The following PCDH15 variants were observed in gnomAD, a reference collection of about 807,000 sequenced individuals.
PCDH15 encodes the protein protocadherin-15.
In PCDH15, 129 loss-of-function variants were observed where a neutral mutation model predicts 178.5. The observed-to-expected ratio is 0.72, with a 90% CI of 0.63 to 0.84. The LOEUF is 0.84. PCDH15 is among the 40% of genes least tolerant of loss of function. The pLI is 0.00. For synonymous variants in PCDH15, 800 were observed against 732.0 expected (o/e 1.09, Z -1.50); for missense variants, 2,230 against 2,099.9 (o/e 1.06, Z -1.21).
chr10:53,930,712 G>C (rs2084984248), intron 25 of PCDH15, among the ~76,000 whole-genome samples: 1 of 152,024 alleles, frequency 6.6e-6, no homozygotes, highest in Non-Finnish European at 1.5e-5. Context: ...AGGCCTCCTT[G>C]CTCCTCCCCA....
intron 15 of PCDH15, among the ~76,000 whole-genome samples, chr10:54,106,690 C>G (rs1876326): frequency 7.9e-5 from 12 of 151,966 alleles, no homozygotes; most frequent in Admixed American, 5.9e-4. Context: ...TGTGGATCCA[C>G]ACACATAAGA....
intron 25 of PCDH15, among the ~76,000 whole-genome samples, chr10:53,930,409 G>T (rs2084944856): frequency 7.8e-6 from 1 of 127,418 alleles, no homozygotes; most frequent in Admixed American, 9.6e-5. Context: ...AACGAGCTGA[G>T]ACCGTGCCAC....
intron 1 of PCDH15, among the ~76,000 whole-genome samples, chr10:55,257,671 G>GA (rs1279445287): frequency 3.9e-5 from 6 of 152,082 alleles, no homozygotes; most frequent in East Asian, 1.9e-4. Context: ...GAACTTTAGA[G>GA]AAAAAAGAAT....
At chr10:55,076,764 C>CGT (rs1841898957) in intron 2 of PCDH15, among the ~76,000 whole-genome samples, 1 of 106,778 alleles carries the variant, frequency 9.4e-6, no homozygotes, top group Non-Finnish European at 1.8e-5. Context: ...GGCCTGTGAC[C>CGT]TTTTTTTTTT....
chr10:54,908,196 G>A, intron 2 of PCDH15, among the ~76,000 whole-genome samples: 1 of 152,210 alleles, frequency 6.6e-6, no homozygotes. Flanking sequence ...CCTGCCGAGG[G>A]TGAGCCTGGC....
chr10:55,244,008 T>C (rs566241595), intron 1 of PCDH15, among the ~76,000 whole-genome samples: 9 of 152,022 alleles, frequency 5.9e-5, no homozygotes, highest in Non-Finnish European at 1.3e-4. Context: ...ATATATTATA[T>C]AAAATCATAA....
chr10:54,063,520 TTGGCCAACTTCCACCTCC>T (rs1317799737), intron 18 of PCDH15, among the ~76,000 whole-genome samples: 7 of 152,314 alleles, frequency 4.6e-5, no homozygotes, highest in African/African-American at 1.7e-4. Context: ...TTGGTATGCT[TTGGCCAACTTCCACCTCC>T]TGGTATTGTC....
At chr10:55,098,579 T>C (rs1374495000) in intron 2 of PCDH15, among the ~76,000 whole-genome samples, 1 of 151,996 alleles carries the variant, frequency 6.6e-6, no homozygotes, top group Non-Finnish European at 1.5e-5. Context: ...CTTCCCTCTA[T>C]TTGCCAAGCC....
At chr10:54,172,091 T>TC (rs2046971694) in intron 13 of PCDH15, among the ~76,000 whole-genome samples, 1 of 152,218 alleles carries the variant, frequency 6.6e-6, no homozygotes, top group East Asian at 1.9e-4. Flanking sequence ...AGCCATCGCA[T>TC]CCCCTGTGAC....
chr10:53,920,647 T>G (rs1420264742), intron 25 of PCDH15, among the ~76,000 whole-genome samples: 1 of 152,190 alleles, frequency 6.6e-6, no homozygotes, highest in Non-Finnish European at 1.5e-5. Context: ...TTGAACTTTA[T>G]CTGTTCCTTT....
intron 21 of PCDH15, among the ~76,000 whole-genome samples, chr10:53,981,960 AAC>A (rs1341428427): frequency 6.6e-6 from 1 of 152,064 alleles, no homozygotes; most frequent in Non-Finnish European, 1.5e-5. Flanking sequence ...AATGAACTCA[AAC>A]AAATTTACAA....
chr10:54,798,412 G>C (rs1399616579), intron 1 of PCDH15, among the ~76,000 whole-genome samples: 1 of 152,114 alleles, frequency 6.6e-6, no homozygotes, highest in Non-Finnish European at 1.5e-5. Context: ...CAAAGTTTTA[G>C]TTGAGAGTAA....
chr10:53,846,911 T>C (rs951455958), intron 28 of PCDH15, among the ~76,000 whole-genome samples: 4 of 152,002 alleles, frequency 2.6e-5, no homozygotes, highest in African/African-American at 9.7e-5. Context: ...ATTTCTGGTT[T>C]TGCATGCTCA....
At chr10:55,245,849 T>G (rs1841666397) in intron 1 of PCDH15, among the ~76,000 whole-genome samples, 1 of 152,216 alleles carries the variant, frequency 6.6e-6, no homozygotes. Flanking sequence ...TCAAAAATGC[T>G]TTCCTTAGAT....
At chr10:54,090,643 C>CAA (rs34617225) in intron 15 of PCDH15, among the ~76,000 whole-genome samples, 2 of 118,106 alleles carry the variant, frequency 1.7e-5, no homozygotes, top group African/African-American at 3.1e-5. Context: ...GATCTTGTCT[C>CAA]AAAAAAAAAA....
chr10:54,897,144 G>A (rs904739423), intron 3 of PCDH15, among the ~76,000 whole-genome samples: 3 of 152,146 alleles, frequency 2.0e-5, no homozygotes, highest in South Asian at 4.1e-4. Context: ...CACATAATAC[G>A]TTGGCAAGAA....
chr10:54,290,209 C>G (rs1334846278), intron 8 of PCDH15, among the ~76,000 whole-genome samples: 1 of 152,170 alleles, frequency 6.6e-6, no homozygotes, highest in Non-Finnish European at 1.5e-5. Context: ...AGCAGAAACC[C>G]TGCAAGCCAG....
intron 29 of PCDH15, 32 bp from the exon 30 acceptor site, chr10:53,831,565 A>G: frequency 7.0e-7 from 1 of 1,427,944 alleles, no homozygotes; most frequent in Non-Finnish European, 9.8e-7. Context: ...AAAATTAATG[A>G]TGCTAGCAGA....
intron 23 of PCDH15, among the ~76,000 whole-genome samples, chr10:53,947,074 CCA>C (rs1157651785): frequency 6.6e-6 from 1 of 152,040 alleles, no homozygotes; most frequent in Non-Finnish European, 1.5e-5. Flanking sequence ...CGCACCTGGC[CCA>C]TATATATCCT....
Sources: gnomAD v4.1 joint callset for allele counts (sites outside exome capture counted in the v4.1 genomes callset) on GRCh38, gnomAD v4.1.1 for gene constraint, MANE v1.5 for transcripts, NCBI Gene and HGNC (gene_info 2026-07-23, HGNC 2026-07-21) for gene names.